Variants in SNRPD1 observed in about 807,000 individuals in gnomAD.
SNRPD1 encodes small nuclear ribonucleoprotein D1 polypeptide, also known as small nuclear ribonucleoprotein Sm D1.
In SNRPD1, 1 loss-of-function variant was observed where a neutral mutation model predicts 14.4. The ratio of observed to expected loss-of-function variants is 0.07; its 90% confidence interval spans 0.02 to 0.33. SNRPD1 has a LOEUF of 0.33. Among genes scored for constraint, SNRPD1 ranks in the 10% least tolerant of loss-of-function variants. SNRPD1 has a pLI of 1.00. For missense variants in SNRPD1, 52 were observed against 146.4 expected, an observed-to-expected ratio of 0.36 and a Z score of 3.33; for synonymous variants, 42 against 50.3, an observed-to-expected ratio of 0.83 and a Z score of 0.70.
intron 1 of SNRPD1, among the ~76,000 whole-genome samples, chr18:21,617,948 G>A (rs2146257140): frequency 6.6e-6 from 1 of 152,288 alleles, no homozygotes; most frequent in Non-Finnish European, 1.5e-5. Flanking sequence ...TTGCGCTATT[G>A]CACTCCAGCC....
Position 21,631,691 on chromosome 18 carries a change from T to C in SNRPD1, c.*2553T>C, listed in dbSNP as rs1477342902. 1 of 151,966 alleles carries C rather than the reference T, an allele frequency of 6.6e-6. No individual in the cohort carries two copies. The highest frequency in any genetic ancestry group is 1.9e-4 in the East Asian group (1 of 5,174). The allele number at this position is 151,966 out of a possible 1,614,324, so 9.4% of individuals were successfully genotyped here. The stretch of plus-strand genomic sequence containing the variant: ...TCATGATCTGCACGAGGCCTCCCAA[T>C]GTGCTGGGATTACAGGCGTGAGCCA... On this transcript the variant is annotated 3_prime_UTR_variant, in exon 4 of 4. Transcript: ENST00000300413.
intron 1 of SNRPD1, 103 bp from the exon 2 acceptor site, chr18:21,622,622 T>C (rs1257429032): frequency 3.1e-6 from 2 of 640,838 alleles, no homozygotes; most frequent in South Asian, 1.9e-5. Flanking sequence ...TTGATGCAGA[T>C]AGCATCTAGC....
chr18:21,614,217 A>G (rs1007959329), intron 1 of SNRPD1, among the ~76,000 whole-genome samples: 1 of 152,140 alleles, frequency 6.6e-6, no homozygotes, highest in African/African-American at 2.4e-5. Flanking sequence ...CAGTGAGCTG[A>G]GATCGCACCA....
chr18:21,613,854 CAAAAAAA>C (rs56863125), intron 1 of SNRPD1, among the ~76,000 whole-genome samples: 26 of 58,672 alleles, frequency 4.4e-4, no homozygotes, highest in East Asian at 2.1e-3. Context: ...GACTCCATCT[CAAAAAAA>C]AAAAAAAAAA....
chr18:21,626,984 TAA>T (rs929799395), intron 3 of SNRPD1, among the ~76,000 whole-genome samples: 10 of 136,860 alleles, frequency 7.3e-5, no homozygotes, highest in Admixed American at 1.5e-4. Context: ...TTTCTTTCTT[TAA>T]AAAAAAAAAA....
rs1262878851 is a variant in SNRPD1 at position 21,630,107 on chromosome 18, T to G, written c.*969T>G. ...GTTTTATGTTTTCCAAGTTATAACT[T>G]GGAGTTAATGGTCACTAGATTATCA... On this transcript the variant is annotated 3_prime_UTR_variant, in exon 4 of 4. Coordinates refer to ENST00000300413, the MANE Select transcript of SNRPD1 (RefSeq NM_006938.4). 6.6e-6 allele frequency: 1 copy of G among 152,180 alleles called. No homozygotes were observed. Among genetic ancestry groups the G allele is most frequent in the East Asian group, 1.9e-4 (1 of 5,196 alleles). 9.4% of individuals were successfully genotyped at this position (152,180 alleles called of 1,614,324 possible). A position where few individuals can be genotyped will look rare whatever the true frequency, so the allele number is the denominator to read the frequency against.
chr18:21,612,326 A>G lies in SNRPD1; in HGVS notation c.-104A>G, dbSNP rs2038923844. ...TGCTCCGCGCGCTCTTGACGTCCGG[A>G]GCCCCTGGAGTAGGCGCTTCCGGCC... is the stretch of plus-strand genomic sequence containing the variant. On this transcript the variant is annotated 5_prime_UTR_variant, in exon 1 of 4. Transcript: ENST00000300413. 1 of 800,632 alleles carries G rather than the reference A, an allele frequency of 1.2e-6. No homozygotes were observed. The highest frequency in any genetic ancestry group is 1.9e-6 in the Non-Finnish European group (1 of 526,112). The allele number at this position is 800,632 out of a possible 1,614,324, so 49.6% of individuals were successfully genotyped here. A position where few individuals can be genotyped will look rare whatever the true frequency, so the allele number is the denominator to read the frequency against.
At chr18:21,626,785 CAAAAA>C (rs57392456) in intron 3 of SNRPD1, among the ~76,000 whole-genome samples, 1 of 118,160 alleles carries the variant, frequency 8.5e-6, no homozygotes, top group African/African-American at 3.3e-5. Flanking sequence ...GACTTGGTCT[CAAAAA>C]AAAAAAAAAA....
intron 3 of SNRPD1, among the ~76,000 whole-genome samples, chr18:21,625,166 C>G (rs2039027126): frequency 6.6e-6 from 1 of 151,644 alleles, no homozygotes; most frequent in African/African-American, 2.4e-5. Context: ...TACTACCTAC[C>G]TACCTGTCGG....
chr18:21,613,974 T>G (rs553117507), intron 1 of SNRPD1, among the ~76,000 whole-genome samples: 1 of 151,946 alleles, frequency 6.6e-6, no homozygotes, highest in African/African-American at 2.4e-5. Flanking sequence ...GTCATAGAAT[T>G]TAAAGTGCAT....
intron 2 of SNRPD1, 89 bp downstream of exon 2, chr18:21,622,890 T>A (rs2039008613): frequency 1.5e-6 from 1 of 663,088 alleles, no homozygotes; most frequent in African/African-American, 1.9e-5. Context: ...TGAACATTAT[T>A]GTAGTACAAA....
rs981437137 is a variant in SNRPD1, at chr18:21,632,417, C to CCACT, written c.*3280_*3283dup. 6.6e-6 allele frequency: 1 copy of CCACT among 151,608 alleles called. No individual in the cohort carries two copies. The allele number at this position is 151,608 out of a possible 1,614,324, so 9.4% of individuals were successfully genotyped here. ...GAGGTTGCAGTGAGCTGAGATCACA[C>CCACT]CACTGCACTTCAGCCTGAGTGACAG... is the stretch of plus-strand genomic sequence containing the variant. On this transcript the variant is annotated 3_prime_UTR_variant, in exon 4 of 4. Coordinates refer to ENST00000300413, the MANE Select transcript of SNRPD1 (RefSeq NM_006938.4).
intron 1 of SNRPD1, among the ~76,000 whole-genome samples, chr18:21,618,190 A>G (rs992609760): frequency 6.6e-6 from 1 of 152,208 alleles, no homozygotes; most frequent in East Asian, 1.9e-4. Context: ...TGGGAGGCCA[A>G]GGCAGGCTGA....
At chr18:21,613,854 CAAAAAAAAAAA>C (rs56863125) in intron 1 of SNRPD1, among the ~76,000 whole-genome samples, 2 of 58,696 alleles carry the variant, frequency 3.4e-5, no homozygotes, top group South Asian at 7.2e-4. Flanking sequence ...GACTCCATCT[CAAAAAAAAAAA>C]AAAAAAAAAA....
chr18:21,614,711 C>T (rs1319276179), intron 1 of SNRPD1, among the ~76,000 whole-genome samples: 1 of 152,148 alleles, frequency 6.6e-6, no homozygotes, highest in East Asian at 1.9e-4. Context: ...CCACATTATC[C>T]TGTTTGGTTT....
At chr18:21,618,583 A>C (rs1293143025) in intron 1 of SNRPD1, among the ~76,000 whole-genome samples, 2 of 152,178 alleles carry the variant, frequency 1.3e-5, no homozygotes, top group East Asian at 3.8e-4. Context: ...GGAGGAAACC[A>C]TTAGTTCAGA....
At chr18:21,625,333 T>TTTTTTTTTTTG (rs2039029651) in intron 3 of SNRPD1, among the ~76,000 whole-genome samples, 1 of 148,396 alleles carries the variant, frequency 6.7e-6, no homozygotes, top group African/African-American at 2.5e-5. Context: ...TTTTTTTTTT[T>TTTTTTTTTTTG]GAGATGGAGT....
intron 1 of SNRPD1, among the ~76,000 whole-genome samples, chr18:21,614,130 G>A (rs554798890): frequency 1.3e-5 from 2 of 151,996 alleles, no homozygotes; most frequent in Admixed American, 6.6e-5. Flanking sequence ...AAAATTAGCC[G>A]GGCATGGTGG....
chr18:21,622,105 T>G (rs1261484451), intron 1 of SNRPD1, among the ~76,000 whole-genome samples: 1 of 152,098 alleles, frequency 6.6e-6, no homozygotes, highest in Non-Finnish European at 1.5e-5. Context: ...GGCATTATAA[T>G]AAGCTTGTAA....
Sources: allele counts gnomAD v4.1 joint callset (sites outside exome capture counted in the v4.1 genomes callset), GRCh38; gene constraint gnomAD v4.1.1; transcripts MANE v1.5; gene names NCBI Gene and HGNC (gene_info 2026-07-23, HGNC 2026-07-21).